Variants in AKAP6 observed in about 807,000 individuals in gnomAD.
AKAP6 encodes the protein A-kinase anchoring protein 6.
AKAP6 carries 58 observed loss-of-function variants against 188.5 expected under a neutral mutation model. The observed-to-expected ratio is 0.31, with a 90% CI of 0.25 to 0.38. AKAP6 has a LOEUF of 0.38. Ranked by LOEUF, AKAP6 falls within the 10% of genes least tolerant of loss-of-function variation. The pLI, the probability that AKAP6 is intolerant of heterozygous loss-of-function variation, is 1.00. For missense variants in AKAP6, 2,710 were observed against 2,740.0 expected, an observed-to-expected ratio of 0.99 and a Z score of 0.24; for synonymous variants, 989 against 998.6, an observed-to-expected ratio of 0.99 and a Z score of 0.18.
At chr14:32,594,718 T>G (rs527477706) in intron 5 of AKAP6, among the ~76,000 whole-genome samples, 1 of 152,360 alleles carries the variant, frequency 6.6e-6, no homozygotes, top group East Asian at 1.9e-4. Flanking sequence ...TTTCAAGGCT[T>G]GGCTTTTCTG....
rs981656701 is a variant in AKAP6, at chr14:32,831,744, A to G, written c.*1939A>G. On this transcript the variant is annotated 3_prime_UTR_variant, in exon 14 of 14. Coordinates refer to ENST00000280979, the MANE Select transcript of AKAP6 (RefSeq NM_004274.5). The stretch of plus-strand genomic sequence containing the variant: ...GCAGCAGTGGGTACAAGGAGGAAGA[A>G]AAAGGGCTTGCAGAGAGTGGAAAGT... The G allele has an allele frequency of 1.3e-5, 2 of 152,290 alleles. No homozygotes were observed. The highest frequency in any genetic ancestry group is 4.8e-5 in the African/African-American group (2 of 41,478). The allele number at this position is 152,290 out of a possible 1,614,324, so 9.4% of individuals were successfully genotyped here.
rs764832400 is a variant in AKAP6, at chr14:32,545,930, C to T, written c.1277C>T (p.Pro426Leu). The T allele has an allele frequency of 1.2e-6, 2 of 1,614,198 alleles. No individual in the cohort carries two copies. The highest frequency in any genetic ancestry group is 2.2e-5 in the South Asian group (2 of 91,080). ...AAGCCTGAGATGAGCAGAAGCACCC[C>T]TTCGCTAGTAGATCCTCCTGACAGA... ...DLKPEMSRST[P>L]SLVDPPDRSK... Residue 426 changes from proline to leucine, a missense_variant, in exon 4 of 14, where the codon CCT becomes CTT. Transcript: ENST00000280979.
chr14:32,513,886 T>C (rs1039413967), intron 2 of AKAP6, among the ~76,000 whole-genome samples: 5 of 152,240 alleles, frequency 3.3e-5, no homozygotes, highest in Admixed American at 3.3e-4. Flanking sequence ...CAATATGCCT[T>C]GAACATCTTC....
At position 32,528,513 on chromosome 14, in the gene AKAP6, T is replaced by C. The variant is rs568795288; in HGVS notation, c.325-7041T>C. On this transcript the variant is annotated intron_variant, in intron 2 of 13. Transcript: ENST00000280979. ...CTTATGGGGGCCTACCTCTAGGCTG[T>C]CTATTCTGTTCATTGATCTGTTTGT... 2.0e-5 allele frequency among the ~76,000 whole-genome samples: 3 copies of C among 152,310 alleles called. No individual in the cohort carries two copies. The South Asian group carries it at 6.2e-4, about 32-fold the overall frequency.
intron 2 of AKAP6, among the ~76,000 whole-genome samples, chr14:32,480,972 G>A (rs73267313): frequency 0.072 from 10,913 of 152,182 alleles, 1,344 homozygotes; most frequent in African/African-American, 0.25. Context: ...CAACAGATAA[G>A]TGAGAATTCT....
intron 5 of AKAP6, among the ~76,000 whole-genome samples, chr14:32,593,698 T>C (rs772420946): frequency 2.0e-5 from 3 of 152,054 alleles, no homozygotes; most frequent in Non-Finnish European, 4.4e-5. Flanking sequence ...GGCTGGAAAA[T>C]ATTGAGTCCA....
At chr14:32,813,078 C>T (rs1242604458) in intron 12 of AKAP6, among the ~76,000 whole-genome samples, 2 of 152,168 alleles carry the variant, frequency 1.3e-5, no homozygotes, top group African/African-American at 4.8e-5. Flanking sequence ...ATGCCAATCA[C>T]GCAATTTCCC....
chr14:32,440,320 G>A (rs1341637160), intron 2 of AKAP6, among the ~76,000 whole-genome samples: 1 of 151,512 alleles, frequency 6.6e-6, no homozygotes, highest in African/African-American at 2.4e-5. Context: ...TCACACACTG[G>A]GGCCTGTCAT....
At chr14:32,777,965 G>A (rs962080270) in intron 12 of AKAP6, among the ~76,000 whole-genome samples, 5 of 152,178 alleles carry the variant, frequency 3.3e-5, no homozygotes, top group African/African-American at 1.2e-4. Context: ...CTTGAGCCTG[G>A]GAGGTTGTGG....
In AKAP6 at chr14:32,824,061, C is replaced by A; in HGVS notation, c.6248C>A (p.Ala2083Asp). The A allele has an allele frequency of 6.2e-7, 1 of 1,613,906 alleles. No homozygotes were observed. The highest frequency in any genetic ancestry group is 8.5e-7 in the Non-Finnish European group (1 of 1,179,918). The change falls in exon 13 of 14, where the codon GCT (alanine) becomes GAT (aspartate). Residue 2083 changes from alanine to aspartate, a missense_variant. By Grantham distance (126) the Ala-to-Asp change is moderately radical (BLOSUM62 -2). Coordinates refer to ENST00000280979, the MANE Select transcript of AKAP6 (RefSeq NM_004274.5). ...SKSQPENEVA[A>D]PTSLTQIKEK... Reference sequence around the variant, plus strand: ...TCTCAACCTGAAAACGAGGTGGCTGCTCCTACTTCATTAACTCAAATCAAG... The same window carrying A: ...TCTCAACCTGAAAACGAGGTGGCTGATCCTACTTCATTAACTCAAATCAAG...
intron 7 of AKAP6, among the ~76,000 whole-genome samples, chr14:32,611,091 A>C (rs1422990482): frequency 2.0e-5 from 3 of 152,180 alleles, no homozygotes; most frequent in Non-Finnish European, 2.9e-5. Flanking sequence ...TATAAGGAAA[A>C]AAGTAAGAGT....
In AKAP6 at chr14:32,670,177, T is replaced by A. The variant is rs1421598226; in HGVS notation, c.2731-8134T>A. ...CAAAGCCCCTTATAAAACTGTCAGA[T>A]CTCATGAAAACTATCACAAGAATAG... On this transcript the variant is annotated intron_variant, in intron 7 of 13. Transcript: ENST00000280979. Among the ~76,000 whole-genome samples the A allele has an allele frequency of 3.3e-5, 5 of 151,388 alleles. No individual in the cohort carries two copies. The South Asian group carries it at 1.0e-3, about 32-fold the overall frequency.
At chr14:32,810,559 A>G (rs2034198042) in intron 12 of AKAP6, among the ~76,000 whole-genome samples, 1 of 152,190 alleles carries the variant, frequency 6.6e-6, no homozygotes, top group Non-Finnish European at 1.5e-5. Flanking sequence ...TAGCATAGGA[A>G]TCAGAGTATA....
intron 2 of AKAP6, among the ~76,000 whole-genome samples, chr14:32,508,432 T>C (rs1336064936): frequency 1.3e-5 from 2 of 152,194 alleles, no homozygotes; most frequent in Admixed American, 6.5e-5. Context: ...TCATCAAAAC[T>C]ATGCTAGGTT....
At chr14:32,634,037 C>A (rs1481940518) in intron 7 of AKAP6, among the ~76,000 whole-genome samples, 1 of 152,076 alleles carries the variant, frequency 6.6e-6, no homozygotes, top group Non-Finnish European at 1.5e-5. Context: ...GCCTCCATCA[C>A]TAGTTGAGCC....
At chr14:32,706,778 T>C (rs1890828743) in intron 9 of AKAP6, among the ~76,000 whole-genome samples, 1 of 152,058 alleles carries the variant, frequency 6.6e-6, no homozygotes, top group Non-Finnish European at 1.5e-5. Context: ...CTGCTGAACC[T>C]TGATTCATTT....
At chr14:32,733,708 A>T (rs918559084) in intron 10 of AKAP6, 2 of 152,166 alleles carry the variant, frequency 1.3e-5, no homozygotes, top group Non-Finnish European at 2.9e-5. Context: ...TTCATCTAAC[A>T]TATTGTTGCC....
At chr14:32,813,519 A>G (rs768479057) in intron 12 of AKAP6, among the ~76,000 whole-genome samples, 1 of 150,620 alleles carries the variant, frequency 6.6e-6, no homozygotes, top group Non-Finnish European at 1.5e-5. Flanking sequence ...AAATTTTCTC[A>G]TTAGCATAAA....
intron 1 of AKAP6, among the ~76,000 whole-genome samples, chr14:32,399,746 T>C (rs1468132772): frequency 1.3e-5 from 2 of 152,196 alleles, no homozygotes; most frequent in Non-Finnish European, 2.9e-5. Flanking sequence ...ATCTGCTTGG[T>C]TCTTTTTTAA....
Sources: gnomAD v4.1 joint callset for allele counts (sites outside exome capture counted in the v4.1 genomes callset) on GRCh38, gnomAD v4.1.1 for gene constraint, MANE v1.5 for transcripts, NCBI Gene and HGNC (gene_info 2026-07-23, HGNC 2026-07-21) for gene names.